ALMS1: variants seen among roughly 807,000 people sequenced by gnomAD.
The protein encoded by ALMS1 is centrosome-associated protein ALMS1.
In ALMS1, 271 loss-of-function variants were observed where a neutral mutation model predicts 352.2. The observed-to-expected ratio is 0.77, with a 90% confidence interval of 0.70 to 0.85. The LOEUF (loss-of-function observed/expected upper bound fraction) is 0.85. ALMS1 is among the 40% of genes least tolerant of loss of function. The pLI is 0.00. For synonymous variants in ALMS1, 1,865 were observed against 1,761.2 expected, an observed-to-expected ratio of 1.06 and a Z score of -1.48; for missense variants, 5,445 against 4,870.7, an observed-to-expected ratio of 1.12 and a Z score of -3.51.
chr2:73,450,339 C>T lies in ALMS1; in HGVS notation c.3812C>T (p.Pro1271Leu), dbSNP rs372563916. The change falls in exon 8 of 23, where the codon CCA becomes CTA. Residue 1271 changes from proline (P) to leucine (L), a missense_variant. Transcript: ENST00000613296. ...EALKISVASE[P>L]VDQTTGTPAV... The stretch of plus-strand genomic sequence containing the variant: ...CTGAAAATTTCAGTTGCCTCTGAAC[C>T]AGTTGACCAGACAACTGGCACACCA... The T allele has an allele frequency of 4.2e-5, 67 of 1,612,784 alleles. No individual in the cohort carries two copies. The highest frequency in any genetic ancestry group is 5.6e-5 in the Non-Finnish European group (66 of 1,179,628).
intron 9 of ALMS1, among the ~76,000 whole-genome samples, chr2:73,474,638 C>T (rs544204826): frequency 6.6e-6 from 1 of 152,074 alleles, no homozygotes; most frequent in Admixed American, 6.6e-5. Context: ...CTGCACCTGG[C>T]TGATGTGTCA....
chr2:73,452,758 C>A lies in ALMS1; in HGVS notation c.6231C>A (p.Val2077=), dbSNP rs748449043. 5 of 1,613,186 alleles carry A rather than the reference C, an allele frequency of 3.1e-6. No individual in the cohort carries two copies. In the African/African-American group the frequency reaches 6.7e-5, roughly 22 times the overall value. ...AAGGTATTCTAAAGATTTCAGCTGTCCCTGAACTAACTGATGTGAATACTG... is the reference window on the plus strand; with the variant it reads ...AAGGTATTCTAAAGATTTCAGCTGTACCTGAACTAACTGATGTGAATACTG... The part of the protein sequence containing the change: ...QSKGILKISA[V]PELTDVNTGK... Residue 2077 remains valine (V), a synonymous_variant, in exon 8 of 23, where the codon GTC becomes GTA. Transcript: ENST00000613296.
intron 9 of ALMS1, among the ~76,000 whole-genome samples, chr2:73,456,425 A>C (rs1178480538): frequency 6.6e-6 from 1 of 152,178 alleles, no homozygotes; most frequent in African/African-American, 2.4e-5. Flanking sequence ...TTTGCATAGT[A>C]ATAGGGTATA....
chr2:73,516,732 A>T (rs1673565183), intron 10 of ALMS1, among the ~76,000 whole-genome samples: 1 of 152,190 alleles, frequency 6.6e-6, no homozygotes, highest in Non-Finnish European at 1.5e-5. Context: ...TTCTCAAGGG[A>T]AATTCATTTC....
intron 7 of ALMS1, among the ~76,000 whole-genome samples, chr2:73,439,409 C>T (rs940690047): frequency 1.3e-5 from 2 of 152,024 alleles, no homozygotes; most frequent in African/African-American, 2.4e-5. Flanking sequence ...CATGAGCCAC[C>T]GTACCCGGCC....
At position 73,424,691 on chromosome 2, in the gene ALMS1, TTG is replaced by T. The variant is rs775828544; in HGVS notation, c.1028_1029del (p.Cys343PhefsTer15). 1 of 1,614,132 alleles carries T rather than the reference TTG, an allele frequency of 6.2e-7. No homozygotes were observed. The highest frequency in any genetic ancestry group is 8.5e-7 in the Non-Finnish European group (1 of 1,180,006). On this transcript the variant is annotated frameshift_variant, in exon 5 of 23. Transcript: ENST00000613296. LOFTEE classifies it high-confidence loss of function. ...PKDCDRYDDL[C>X]SYMSWKTRKD... ...AAGACTGTGATCGTTATGATGATCT[TTG>T]TTCATATATGTCATGGAAGACACGA... is the stretch of plus-strand genomic sequence containing the variant.
At chr2:73,426,301 T>C (rs1427534738) in intron 5 of ALMS1, 152 bp from the exon 6 acceptor site, 4 of 799,756 alleles carry the variant, frequency 5.0e-6, no homozygotes, top group African/African-American at 3.4e-5. Flanking sequence ...ACAAGGTGCT[T>C]GTACCATTGA....
intron 9 of ALMS1, among the ~76,000 whole-genome samples, chr2:73,459,921 T>C (rs1672150311): frequency 6.6e-6 from 1 of 152,190 alleles, no homozygotes; most frequent in African/African-American, 2.4e-5. Flanking sequence ...TGTGTGTACA[T>C]AATTACACGC....
intron 11 of ALMS1, among the ~76,000 whole-genome samples, chr2:73,523,702 G>C (rs1673731773): frequency 6.6e-6 from 1 of 152,162 alleles, no homozygotes; most frequent in African/African-American, 2.4e-5. Flanking sequence ...GGAAGGTGGA[G>C]GTTGCAGTAA....
At chr2:73,521,756 CA>C (rs976050017) in intron 11 of ALMS1, among the ~76,000 whole-genome samples, 2 of 148,802 alleles carry the variant, frequency 1.3e-5, no homozygotes, top group Non-Finnish European at 3.0e-5. Flanking sequence ...TTTCCAAAAA[CA>C]AAAAAAAAGC....
Position 73,448,225 on chromosome 2 carries a change from A to G in ALMS1, c.1698A>G (p.Ala566=). Residue 566 remains alanine, a synonymous_variant, in exon 8 of 23, where the codon GCA becomes GCG. Transcript: ENST00000613296. The stretch of plus-strand genomic sequence containing the variant: ...CTGAACCAGCTGACCAGAAGACTGC[A>G]ACACCAACAGTACTCTCTAGTTCCC... ...AIPEPADQKT[A]TPTVLSSSHS... 6.2e-7 allele frequency: 1 copy of G among 1,613,512 alleles called. No homozygotes were observed. Among genetic ancestry groups the G allele is most frequent in the Admixed American group, 1.7e-5 (1 of 59,920 alleles).
intron 11 of ALMS1, among the ~76,000 whole-genome samples, chr2:73,527,439 T>C (rs1673816234): frequency 6.6e-6 from 1 of 152,080 alleles, no homozygotes; most frequent in Non-Finnish European, 1.5e-5. Flanking sequence ...TTACAACTTT[T>C]ACCTTGTTGC....
intron 16 of ALMS1, among the ~76,000 whole-genome samples, chr2:73,583,693 T>C (rs1163194709): frequency 6.6e-6 from 1 of 152,238 alleles, no homozygotes; most frequent in African/African-American, 2.4e-5. Context: ...AATTTCATTC[T>C]TTTGCATGTG....
chr2:73,587,404 G>A (rs1573042706), intron 16 of ALMS1, among the ~76,000 whole-genome samples: 1 of 152,192 alleles, frequency 6.6e-6, no homozygotes, highest in African/African-American at 2.4e-5. Flanking sequence ...GTATAATTTT[G>A]GTGTGGGTTT....
chr2:73,579,454 G>A (rs1398093326), intron 16 of ALMS1, among the ~76,000 whole-genome samples: 6 of 151,686 alleles, frequency 4.0e-5, no homozygotes, highest in East Asian at 1.9e-4. Context: ...TCCACCTCCC[G>A]GGTTCAAGTG....
intron 21 of ALMS1, among the ~76,000 whole-genome samples, chr2:73,606,030 TAA>T (rs1015457439): frequency 6.6e-6 from 1 of 152,142 alleles, no homozygotes; most frequent in African/African-American, 2.4e-5. Context: ...ACAGCAGACT[TAA>T]TACAGAAGCA....
chr2:73,448,263 G>A lies in ALMS1; in HGVS notation c.1736G>A (p.Gly579Glu). The A allele has an allele frequency of 6.2e-7, 1 of 1,613,086 alleles. No individual in the cohort carries two copies. Among genetic ancestry groups the A allele is most frequent in the Non-Finnish European group, 8.5e-7 (1 of 1,179,644 alleles). Residue 579 changes from glycine (G) to glutamate (E), a missense_variant, in exon 8 of 23, where the codon GGG becomes GAG. Coordinates refer to ENST00000613296, the MANE Select transcript of ALMS1 (RefSeq NM_001378454.1). Reference sequence around the variant, plus strand: ...CTCTCTAGTTCCCACTCACATAGGGGGAAGCCCAGCATTTTCTACCAGCAG... The same window carrying A: ...CTCTCTAGTTCCCACTCACATAGGGAGAAGCCCAGCATTTTCTACCAGCAG... The part of the protein sequence containing the change: ...TVLSSSHSHR[G>E]KPSIFYQQGL...
At position 73,559,807 on chromosome 2, in the gene ALMS1, T is replaced by C. The variant is rs1412789244; in HGVS notation, c.10384+665T>C. Among the ~76,000 whole-genome samples, 3 of 152,144 alleles carry C rather than the reference T, an allele frequency of 2.0e-5. No homozygotes were observed. In the East Asian group the frequency reaches 5.8e-4, roughly 29 times the overall value. ...AGGATAGTCTCTTCAACAAATGGTG[T>C]TGGGAAAACTAGATATCCACATTTA... On this transcript the variant is annotated intron_variant, in intron 15 of 22. Transcript: ENST00000613296.
At chr2:73,505,505 G>A (rs776561614) in intron 10 of ALMS1, among the ~76,000 whole-genome samples, 61 of 152,270 alleles carry the variant, frequency 4.0e-4, no homozygotes, top group Non-Finnish European at 7.9e-4. Flanking sequence ...TTTGTTGGCT[G>A]CATAAATGTC....
Sources: gnomAD v4.1 joint callset for allele counts (sites outside exome capture counted in the v4.1 genomes callset) on GRCh38, gnomAD v4.1.1 for gene constraint, MANE v1.5 for transcripts, NCBI Gene and HGNC (gene_info 2026-07-23, HGNC 2026-07-21) for gene names.